The following UGT2B15 variants were observed in gnomAD, a reference collection of about 807,000 sequenced individuals.
UGT2B15 encodes UDP-glucuronosyltransferase 2B15.
A neutral mutation model predicts 45.9 loss-of-function variants in UGT2B15; 36 were observed. That is an observed-to-expected ratio of 0.78 (90% CI 0.60 to 1.04). The LOEUF (loss-of-function observed/expected upper bound fraction) is 1.04. Among genes scored for constraint, UGT2B15 ranks in the 50% least tolerant of loss-of-function variants. UGT2B15 has a pLI of 0.00. For synonymous variants in UGT2B15, 219 were observed against 216.4 expected (o/e 1.01, Z -0.11); for missense variants, 617 against 622.4 (o/e 0.99, Z 0.09).
In UGT2B15 at chr4:68,647,395, A is replaced by G. The variant is rs1434057008; in HGVS notation, c.1314-12T>C. 6.2e-7 allele frequency: 1 copy of G among 1,603,230 alleles called. No homozygotes were observed. The highest frequency in any genetic ancestry group is 1.3e-5 in the African/African-American group (1 of 74,368). ...CATTCTCTTTATAGCTGAAGGATAA[A>G]TATAAAGATATCAACATTAAAAGTA... On this transcript the variant is annotated splice_polypyrimidine_tract_variant and intron_variant, in intron 5 of 5. Transcript: ENST00000338206.
chr4:68,667,513 G>A lies in UGT2B15; in HGVS notation c.873+527C>T, dbSNP rs150497614. ...TTTGGGTGTTTATCAACCCCTCATC[G>A]TTTCACCTATCTCTGCACATTATTG... is the stretch of plus-strand genomic sequence containing the variant. On this transcript the variant is annotated intron_variant, in intron 2 of 5. Coordinates refer to ENST00000338206, the MANE Select transcript of UGT2B15 (RefSeq NM_001076.4). Among the ~76,000 whole-genome samples the A allele has an allele frequency of 8.0e-3, 1,219 of 151,996 alleles. 16 individuals carry two copies. Among genetic ancestry groups the A allele is most frequent in the African/African-American group, 0.028 (1,156 of 41,426 alleles).
chr4:68,657,698 T>C (rs1732849271), intron 3 of UGT2B15, among the ~76,000 whole-genome samples: 2 of 152,106 alleles, frequency 1.3e-5, no homozygotes, highest in Admixed American at 1.3e-4. Flanking sequence ...ATAGAGTTCC[T>C]AAGTTCTCTC....
chr4:68,651,973 A>C (rs778028292), intron 5 of UGT2B15, among the ~76,000 whole-genome samples: 2 of 152,052 alleles, frequency 1.3e-5, no homozygotes, highest in African/African-American at 2.4e-5. Context: ...CAGCATGGCC[A>C]TTTTTACAAT....
chr4:68,665,204 C>T (rs1733084889), intron 2 of UGT2B15, among the ~76,000 whole-genome samples: 1 of 152,084 alleles, frequency 6.6e-6, no homozygotes, highest in Non-Finnish European at 1.5e-5. Flanking sequence ...TGTGCCATTT[C>T]ATTATGGGTT....
At position 68,661,650 on chromosome 4, in the gene UGT2B15, T is replaced by C. The variant is rs144870206; in HGVS notation, c.1005+1358A>G. ...AGACTAAATATTTAAACTGCACATA[T>C]GGTGAGAAATAATGCTACATATGTA... is the stretch of plus-strand genomic sequence containing the variant. On this transcript the variant is annotated intron_variant, in intron 3 of 5. Transcript: ENST00000338206. Among the ~76,000 whole-genome samples, 500 of 152,162 alleles carry C rather than the reference T, an allele frequency of 3.3e-3. 8 individuals carry two copies. The highest frequency in any genetic ancestry group is 0.012 in the African/African-American group (479 of 41,544).
chr4:68,665,495 T>C (rs1198160770), intron 2 of UGT2B15, among the ~76,000 whole-genome samples: 2 of 152,182 alleles, frequency 1.3e-5, no homozygotes, highest in African/African-American at 4.8e-5. Flanking sequence ...AATGAGTATT[T>C]GCTACCGATA....
chr4:68,654,734 G>A (rs1027478522), intron 4 of UGT2B15, among the ~76,000 whole-genome samples: 10 of 151,798 alleles, frequency 6.6e-5, no homozygotes, highest in Admixed American at 4.6e-4. Flanking sequence ...AAAAGTGTCC[G>A]CTATTTTTCA....
chr4:68,651,352 T>C (rs976441179), intron 5 of UGT2B15, among the ~76,000 whole-genome samples: 1 of 152,126 alleles, frequency 6.6e-6, no homozygotes, highest in Non-Finnish European at 1.5e-5. Context: ...AGGGGACTAG[T>C]TTCCGTTTTC....
In UGT2B15 at chr4:68,663,666, A is replaced by G. The variant is rs192370232; in HGVS notation, c.874-527T>C. ...AGTTAGTTACAATTGGAATGATATT[A>G]TATCTACATTTATTTAGCTTCTAGC... On this transcript the variant is annotated intron_variant, in intron 2 of 5. Transcript: ENST00000338206. 2.9e-3 allele frequency among the ~76,000 whole-genome samples: 443 copies of G among 152,104 alleles called. 2 individuals carry two copies. The highest frequency in any genetic ancestry group is 0.01 in the African/African-American group (415 of 41,468).
chr4:68,658,176 C>T (rs12108552), intron 3 of UGT2B15, among the ~76,000 whole-genome samples: 52,667 of 151,442 alleles, frequency 0.35, 9,389 homozygotes, highest in East Asian at 0.52. Context: ...ATAAGATGTA[C>T]TTCTATTGGC....
At chr4:68,668,415 G>T (rs1158023443) in intron 1 of UGT2B15, among the ~76,000 whole-genome samples, 1 of 152,032 alleles carries the variant, frequency 6.6e-6, no homozygotes, top group Non-Finnish European at 1.5e-5. Flanking sequence ...TGTATTCAGA[G>T]ATCTGTAAGA....
rs558078255 is a variant in UGT2B15, at chr4:68,661,932, C to T, written c.1005+1076G>A. 3.3e-5 allele frequency among the ~76,000 whole-genome samples: 5 copies of T among 152,116 alleles called. No individual in the cohort carries two copies. The East Asian group carries it at 7.7e-4, about 23-fold the overall frequency. On this transcript the variant is annotated intron_variant, in intron 3 of 5. Transcript: ENST00000338206. ...TGATGCACTACCTAGCATTGACAGC[C>T]TTGATATATGGTCAGCTATAGCCAG... is the stretch of plus-strand genomic sequence containing the variant.
chr4:68,664,571 C>A (rs541502964), intron 2 of UGT2B15, among the ~76,000 whole-genome samples: 2 of 146,494 alleles, frequency 1.4e-5, no homozygotes, highest in Non-Finnish European at 3.0e-5. Context: ...TTTATGACAT[C>A]TTTTTTTTTT....
chr4:68,655,072 C>T (rs1732764298), intron 4 of UGT2B15, 23 bp downstream of exon 4: 1 of 1,607,486 alleles, frequency 6.2e-7, no homozygotes, highest in African/African-American at 1.3e-5. Flanking sequence ...AATATATTCA[C>T]TGTTTGTTCT....
chr4:68,665,028 T>C (rs1046739215), intron 2 of UGT2B15, among the ~76,000 whole-genome samples: 6 of 152,158 alleles, frequency 3.9e-5, no homozygotes, highest in South Asian at 2.1e-4. Context: ...CCACCCAGTA[T>C]TGAAGTAATA....
At chr4:68,666,831 C>CT (rs1402598292) in intron 2 of UGT2B15, among the ~76,000 whole-genome samples, 3 of 150,532 alleles carry the variant, frequency 2.0e-5, no homozygotes, top group African/African-American at 7.3e-5. Context: ...TCTGCAACCT[C>CT]TGCCTCCGGG....
At chr4:68,654,356 G>A in intron 4 of UGT2B15, 100 bp from the exon 5 acceptor site, 2 of 1,214,096 alleles carry the variant, frequency 1.6e-6, no homozygotes, top group South Asian at 1.6e-5. Context: ...CTGTTCCCTA[G>A]GTAACATTAT....
At chr4:68,659,850 T>A (rs964708423) in intron 3 of UGT2B15, among the ~76,000 whole-genome samples, 9 of 151,894 alleles carry the variant, frequency 5.9e-5, no homozygotes, top group Admixed American at 2.6e-4. Flanking sequence ...AGAACAGGAA[T>A]TAACTACATG....
At chr4:68,662,121 G>A (rs897502059) in intron 3 of UGT2B15, among the ~76,000 whole-genome samples, 5 of 152,008 alleles carry the variant, frequency 3.3e-5, no homozygotes, top group Non-Finnish European at 5.9e-5. Context: ...TTCAGAGAGG[G>A]CTATGTCAGA....
Sources: gnomAD v4.1 joint callset for allele counts (sites outside exome capture counted in the v4.1 genomes callset) on GRCh38, gnomAD v4.1.1 for gene constraint, MANE v1.5 for transcripts, NCBI Gene and HGNC (gene_info 2026-07-23, HGNC 2026-07-21) for gene names.